AGAP3: variants seen among roughly 807,000 people sequenced by gnomAD.
The protein encoded by AGAP3 is arf-GAP with GTPase, ANK repeat and PH domain-containing protein 3.
In AGAP3, 24 loss-of-function variants were observed where a neutral mutation model predicts 96.9. The observed-to-expected ratio is 0.25, with a 90% CI of 0.18 to 0.35. The LOEUF is 0.35. Ranked by LOEUF, AGAP3 falls within the 10% of genes least tolerant of loss-of-function variation. The probability of loss-of-function intolerance (pLI) is 1.00; values close to 1 mark genes in which losing one functional copy is unlikely to be tolerated. For synonymous variants in AGAP3, 563 were observed against 536.1 expected (o/e 1.05, Z -0.69); for missense variants, 876 against 1,254.2 (o/e 0.70, Z 4.55).
Position 151,142,183 on chromosome 7 carries a change from C to T in AGAP3, c.1980C>T (p.Asn660=), listed in dbSNP as rs878873385. 7.4e-6 allele frequency: 12 copies of T among 1,613,836 alleles called. No homozygotes were observed. The highest frequency in any genetic ancestry group is 2.2e-5 in the East Asian group (1 of 44,880). Residue 660 remains asparagine, a synonymous_variant, in exon 15 of 18, where the codon AAC becomes AAT. Transcript: ENST00000397238. The surrounding 1 kb of genome is among the most constrained non-coding windows in gnomAD (Gnocchi z 7.5). ...AKDKTRLGNQ[N]AALAVQAVRT... ...GACAGACTCGACTGGGGAACCAGAA[C>T]GCAGCTCTGGCTGTGCAGGCCGTCC...
intron 8 of AGAP3, chr7:151,122,922 G>A: frequency 6.8e-7 from 1 of 1,467,704 alleles, no homozygotes. Context: ...GGGAACCTTT[G>A]TAACTAACCC....
chr7:151,122,656 C>G, intron 8 of AGAP3: 2 of 1,595,240 alleles, frequency 1.3e-6, no homozygotes, highest in Non-Finnish European at 1.7e-6. Flanking sequence ...CTGCCCTCAC[C>G]GGTGCTGACC....
In AGAP3 at chr7:151,130,707, C is replaced by CTA. The variant is rs565103158; in HGVS notation, c.1326+2024_1326+2025dup. Among the ~76,000 whole-genome samples the CTA allele has an allele frequency of 5.2e-3, 794 of 152,276 alleles. 5 individuals carry two copies. Among genetic ancestry groups the CTA allele is most frequent in the South Asian group, 0.013 (62 of 4,826 alleles). ...GTCACAGGCCCCGAAGCATACTGGG[C>CTA]TACACACGGTGCAAAAGCACGAGTG... On this transcript the variant is annotated intron_variant, in intron 10 of 17. Transcript: ENST00000397238.
intron 1 of AGAP3, among the ~76,000 whole-genome samples, chr7:151,097,213 C>G (rs1335711820): frequency 6.6e-6 from 1 of 151,912 alleles, no homozygotes; most frequent in Non-Finnish European, 1.5e-5. Flanking sequence ...TAAAGAGACA[C>G]CTGAGGCTGG....
At chr7:151,127,187 T>C (rs1385597882) in intron 9 of AGAP3, among the ~76,000 whole-genome samples, 1 of 152,140 alleles carries the variant, frequency 6.6e-6, no homozygotes, top group African/African-American at 2.4e-5. Flanking sequence ...TGCAGTTGAA[T>C]CCAGTATTTA....
Position 151,114,753 on chromosome 7 carries a change from C to T in AGAP3, c.332-2040C>T. 9.8e-7 allele frequency: 1 copy of T among 1,017,378 alleles called. No homozygotes were observed. Among genetic ancestry groups the T allele is most frequent in the Non-Finnish European group, 1.2e-6 (1 of 851,956 alleles). 63.0% of individuals were successfully genotyped at this position (1,017,378 alleles called of 1,614,324 possible). On this transcript the variant is annotated intron_variant, in intron 1 of 17. Coordinates refer to ENST00000397238, the MANE Select transcript of AGAP3 (RefSeq NM_031946.7). This position sits in a 1 kb window ranked among gnomAD's most constrained non-coding sequence, Gnocchi z 4.4. ...TGCCCCTCGCCATGGGCCTGGCCCGCGCCCGCCGGCCCTGAGCATGGAGCG... is the reference window on the plus strand; with the variant it reads ...TGCCCCTCGCCATGGGCCTGGCCCGTGCCCGCCGGCCCTGAGCATGGAGCG...
chr7:151,096,011 G>A lies in AGAP3; in HGVS notation c.331+8939G>A, dbSNP rs1201965323. On this transcript the variant is annotated intron_variant, in intron 1 of 17. Coordinates refer to ENST00000397238, the MANE Select transcript of AGAP3 (RefSeq NM_031946.7). This position sits in a 1 kb window ranked among gnomAD's most constrained non-coding sequence, Gnocchi z 4.4. ...TTGGGAGCTGTGTGACCTCGGGTGA[G>A]TTCCTTAACCCCTCTGTGTCTTAGC... Among the ~76,000 whole-genome samples, 3 of 152,220 alleles carry A rather than the reference G, an allele frequency of 2.0e-5. No individual in the cohort carries two copies. Among genetic ancestry groups the A allele is most frequent in the Non-Finnish European group, 4.4e-5 (3 of 68,044 alleles).
intron 1 of AGAP3, among the ~76,000 whole-genome samples, chr7:151,095,946 TGGAGCCAG>T (rs1270999605): frequency 6.6e-6 from 1 of 152,156 alleles, no homozygotes; most frequent in African/African-American, 2.4e-5. Context: ...ACCTGGGCTC[TGGAGCCAG>T]GCTGCCTAGA....
At chr7:151,132,042 A>G (rs1187957291) in intron 10 of AGAP3, among the ~76,000 whole-genome samples, 3 of 152,134 alleles carry the variant, frequency 2.0e-5, no homozygotes, top group African/African-American at 7.2e-5. Flanking sequence ...GTGGGATGCA[A>G]GTGGAGAGGG....
At chr7:151,127,106 G>C (rs1040298493) in intron 9 of AGAP3, among the ~76,000 whole-genome samples, 15 of 152,184 alleles carry the variant, frequency 9.9e-5, no homozygotes, top group African/African-American at 3.6e-4. Flanking sequence ...TCCAGGAAAC[G>C]GGAATCTCTT....
chr7:151,117,570 C>T, intron 4 of AGAP3, 66 bp from the exon 5 acceptor site: 3 of 1,611,522 alleles, frequency 1.9e-6, no homozygotes, highest in Non-Finnish European at 2.5e-6. Context: ...TACTTGAGTT[C>T]ACCTGCCCTG....
At chr7:151,119,897 C>G in intron 7 of AGAP3, 90 bp from the exon 8 acceptor site, 1 of 1,316,098 alleles carries the variant, frequency 7.6e-7, no homozygotes, top group Non-Finnish European at 1.1e-6. Flanking sequence ...CCCGGCCAGG[C>G]CCCCATTAGC....
chr7:151,138,472 C>G (rs556255068), intron 12 of AGAP3, among the ~76,000 whole-genome samples, 159 bp downstream of exon 12: 1 of 152,236 alleles, frequency 6.6e-6, no homozygotes, highest in Admixed American at 6.5e-5. Flanking sequence ...CAGAGAGACC[C>G]TGCTTCGGGG....
intron 8 of AGAP3, 157 bp from the exon 9 acceptor site, chr7:151,123,637 C>T (rs1800025472): frequency 2.0e-6 from 3 of 1,476,358 alleles, no homozygotes; most frequent in South Asian, 1.3e-5. Context: ...CGTTGGAATA[C>T]TCGTGGTCTC....
At chr7:151,116,557 C>T in intron 1 of AGAP3, 1 of 560,454 alleles carries the variant, frequency 1.8e-6, no homozygotes, top group Non-Finnish European at 3.2e-6. Context: ...ACCAGGGGGA[C>T]TGAGCCCACA....
chr7:151,136,217 C>T (rs1800586830), intron 11 of AGAP3: 1 of 152,272 alleles, frequency 6.6e-6, no homozygotes. Context: ...GAGTCCCTTT[C>T]CTTGACAGCA....
At chr7:151,102,072 C>T (rs75901369) in intron 1 of AGAP3, among the ~76,000 whole-genome samples, 171 of 152,272 alleles carry the variant, frequency 1.1e-3, no homozygotes, top group African/African-American at 3.8e-3. Flanking sequence ...TGGGTGTCCT[C>T]GAGGTGCAGT....
intron 1 of AGAP3, among the ~76,000 whole-genome samples, chr7:151,088,428 T>A (rs1340191881): frequency 6.6e-6 from 1 of 152,212 alleles, no homozygotes; most frequent in African/African-American, 2.4e-5. Context: ...CCGCTGTGGC[T>A]GGGGACTAGG....
chr7:151,118,597 T>C lies in AGAP3; in HGVS notation c.934T>C (p.Ser312Pro), dbSNP rs1585077109. 1 of 1,613,932 alleles carries C rather than the reference T, an allele frequency of 6.2e-7. No individual in the cohort carries two copies. The highest frequency in any genetic ancestry group is 1.1e-5 in the South Asian group (1 of 91,076). ...CAACTCGCCCAGCCACTCGGCCGTGTCCGCCGCCTCCATCCCGGCCGTGCA... is the reference window on the plus strand; with the variant it reads ...CAACTCGCCCAGCCACTCGGCCGTGCCCGCCGCCTCCATCCCGGCCGTGCA... ...LPNSPSHSAV[S>P]AASIPAVHIN... is the part of the protein sequence containing the mutation. The change falls in exon 7 of 18, where the codon TCC becomes CCC. Residue 312 changes from serine to proline, a missense_variant. Coordinates refer to ENST00000397238, the MANE Select transcript of AGAP3 (RefSeq NM_031946.7). The surrounding 1 kb of genome is among the most constrained non-coding windows in gnomAD (Gnocchi z 6.1).
Sources: gnomAD v4.1 joint callset for allele counts (sites outside exome capture counted in the v4.1 genomes callset) on GRCh38, gnomAD v4.1.1 for gene constraint, Gnocchi (gnomAD v3.1) non-coding constraint, MANE v1.5 for transcripts, NCBI Gene and HGNC (gene_info 2026-07-23, HGNC 2026-07-21) for gene names.